The following NKAIN3 variants were observed in gnomAD, a reference collection of about 807,000 sequenced individuals.
NKAIN3 encodes sodium/potassium-transporting ATPase subunit beta-1-interacting protein 3.
A neutral mutation model predicts 30.2 loss-of-function variants in NKAIN3; 25 were observed. The observed-to-expected ratio is 0.83, with a 90% CI of 0.60 to 1.16. The LOEUF is 1.16. NKAIN3 is among the 50% of genes most tolerant of loss of function. The pLI is 0.00. For synonymous variants in NKAIN3, 91 were observed against 89.6 expected, an observed-to-expected ratio of 1.02 and a Z score of -0.09; for missense variants, 225 against 254.1, an observed-to-expected ratio of 0.89 and a Z score of 0.78.
intron 1 of NKAIN3, among the ~76,000 whole-genome samples, chr8:62,478,335 C>T (rs933142714): frequency 2.0e-5 from 3 of 152,172 alleles, no homozygotes; most frequent in Admixed American, 6.5e-5. Flanking sequence ...TATTATGCCA[C>T]TATACAAAGC....
chr8:62,908,079 G>A (rs963500404), intron 4 of NKAIN3, among the ~76,000 whole-genome samples: 5 of 152,188 alleles, frequency 3.3e-5, no homozygotes. Flanking sequence ...AGCTGCTCAA[G>A]ACCATGGGAA....
intron 4 of NKAIN3, among the ~76,000 whole-genome samples, chr8:62,780,762 T>A (rs1817331495): frequency 6.6e-6 from 1 of 151,782 alleles, no homozygotes; most frequent in South Asian, 2.1e-4. Context: ...AACTCTCAAC[T>A]AAAAGTTAGG....
At chr8:62,404,152 T>G (rs1171050544) in intron 1 of NKAIN3, among the ~76,000 whole-genome samples, 1 of 152,270 alleles carries the variant, frequency 6.6e-6, no homozygotes, top group Non-Finnish European at 1.5e-5. Context: ...CCAATGCCTG[T>G]AACCTCATTG....
intron 1 of NKAIN3, among the ~76,000 whole-genome samples, chr8:62,265,981 A>G (rs953381703): frequency 6.6e-6 from 1 of 152,138 alleles, no homozygotes; most frequent in Non-Finnish European, 1.5e-5. Context: ...TGGCCCACAA[A>G]ACTAATTTAA....
chr8:62,345,804 T>C (rs535049751), intron 1 of NKAIN3, among the ~76,000 whole-genome samples: 1 of 151,960 alleles, frequency 6.6e-6, no homozygotes, highest in East Asian at 1.9e-4. Flanking sequence ...TCCATTACTG[T>C]GTTGAAGAAA....
At chr8:62,567,883 T>C (rs1285669239) in intron 1 of NKAIN3, among the ~76,000 whole-genome samples, 1 of 152,156 alleles carries the variant, frequency 6.6e-6, no homozygotes, top group Non-Finnish European at 1.5e-5. Flanking sequence ...GTTTTGGTAA[T>C]TTGCTAGAAC....
At chr8:62,914,269 C>T (rs1822011851) in intron 4 of NKAIN3, among the ~76,000 whole-genome samples, 2 of 152,256 alleles carry the variant, frequency 1.3e-5, no homozygotes, top group South Asian at 4.1e-4. Context: ...CACATGTTCT[C>T]ACTTATAAAT....
At chr8:62,707,490 A>G (rs147180247) in intron 3 of NKAIN3, among the ~76,000 whole-genome samples, 3,381 of 151,950 alleles carry the variant, frequency 0.022, 98 homozygotes, top group African/African-American at 0.071. Context: ...GATGTTGAGC[A>G]TTTTTTCATA....
Position 62,965,404 on chromosome 8 carries a change from T to A in NKAIN3, c.654T>A (p.Thr218=). The change falls in exon 7 of 7, where the codon ACT becomes ACA. Residue 218 remains threonine, a synonymous_variant. Coordinates refer to ENST00000623646, the MANE Select transcript of NKAIN3 (RefSeq NM_001304533.3). The part of the protein sequence containing the change: ...IEPEMRLLNL[T] ...CAGAAATGCGGCTGCTGAACTTGAC[T>A]TAGGGAGCAAAGGACCATTGACTGC... 1 of 985,712 alleles carries A rather than the reference T, an allele frequency of 1.0e-6. No individual in the cohort carries two copies. 61.1% of individuals were successfully genotyped at this position (985,712 alleles called of 1,614,324 possible). A position where few individuals can be genotyped will look rare whatever the true frequency, so the allele number is the denominator to read the frequency against.
chr8:62,929,654 C>G (rs1451402728), intron 5 of NKAIN3, among the ~76,000 whole-genome samples: 3 of 152,098 alleles, frequency 2.0e-5, no homozygotes, highest in Admixed American at 2.0e-4. Context: ...CTATTAATAT[C>G]TACTCAGGGT....
chr8:62,789,050 T>A (rs1250096982), intron 4 of NKAIN3, among the ~76,000 whole-genome samples: 1 of 152,032 alleles, frequency 6.6e-6, no homozygotes, highest in Non-Finnish European at 1.5e-5. Flanking sequence ...TTTAAAGTAG[T>A]TTTTTCCAAT....
Position 62,965,562 on chromosome 8 carries a change from G to A in NKAIN3, c.*155G>A, listed in dbSNP as rs1823687080. ...AGCATTGTTCTCTAGATGAGTTCTAGGTGCTTGGGTGGGTATTTTTTTAGT... is the reference window on the plus strand; with the variant it reads ...AGCATTGTTCTCTAGATGAGTTCTAAGTGCTTGGGTGGGTATTTTTTTAGT... On this transcript the variant is annotated 3_prime_UTR_variant, in exon 7 of 7. Coordinates refer to ENST00000623646, the MANE Select transcript of NKAIN3 (RefSeq NM_001304533.3). The A allele has an allele frequency of 7.1e-6, 7 of 983,952 alleles. No homozygotes were observed. Among genetic ancestry groups the A allele is most frequent in the Non-Finnish European group, 8.4e-6 (7 of 829,550 alleles). 61.0% of individuals were successfully genotyped at this position (983,952 alleles called of 1,614,324 possible).
At chr8:62,525,047 C>G (rs1808260837) in intron 1 of NKAIN3, among the ~76,000 whole-genome samples, 1 of 151,966 alleles carries the variant, frequency 6.6e-6, no homozygotes, top group South Asian at 2.1e-4. Context: ...ATGGAGAGAC[C>G]CTTGAAGGGT....
intron 1 of NKAIN3, among the ~76,000 whole-genome samples, chr8:62,471,304 T>TA (rs541235721): frequency 1.3e-3 from 189 of 144,832 alleles, no homozygotes; most frequent in South Asian, 3.9e-3. Flanking sequence ...TTTACTTCTC[T>TA]AAAAAAAAAA....
downstream of NKAIN3, among the ~76,000 whole-genome samples, chr8:62,988,494 C>G (rs373997414): frequency 6.6e-6 from 1 of 152,238 alleles, no homozygotes; most frequent in Non-Finnish European, 1.5e-5. Context: ...GACTTCTATG[C>G]ACCCACAAGC....
Position 62,970,637 on chromosome 8 carries a change from G to T in NKAIN3, c.*5230G>T, listed in dbSNP as rs887148354. ...GTAGAAAGGAAGGGAGAGGAAAATG[G>T]AGAGAAGATGAGGAAGAGAAAGAGA... is the stretch of plus-strand genomic sequence containing the variant. On this transcript the variant is annotated 3_prime_UTR_variant, in exon 7 of 7. Coordinates refer to ENST00000623646, the MANE Select transcript of NKAIN3 (RefSeq NM_001304533.3). Among the ~76,000 whole-genome samples the T allele has an allele frequency of 2.6e-5, 4 of 152,148 alleles. No homozygotes were observed. The highest frequency in any genetic ancestry group is 9.7e-5 in the African/African-American group (4 of 41,446).
intron 4 of NKAIN3, among the ~76,000 whole-genome samples, chr8:62,755,562 C>T (rs115719588): frequency 0.017 from 2,564 of 151,958 alleles, 69 homozygotes; most frequent in African/African-American, 0.06. Flanking sequence ...TGCTTGCTAG[C>T]GCTTTCCAGG....
chr8:62,461,801 G>C (rs572568626), intron 1 of NKAIN3, among the ~76,000 whole-genome samples: 6 of 152,124 alleles, frequency 3.9e-5, no homozygotes, highest in African/African-American at 1.4e-4. Context: ...GAAGAAAACT[G>C]AGCAGAGCCT....
intron 4 of NKAIN3, among the ~76,000 whole-genome samples, chr8:62,824,312 T>C (rs562989863): frequency 6.6e-6 from 1 of 152,268 alleles, no homozygotes; most frequent in African/African-American, 2.4e-5. Flanking sequence ...GGCATGCCAC[T>C]ACACCTACTA....
Sources: gnomAD v4.1 joint callset for allele counts (sites outside exome capture counted in the v4.1 genomes callset) on GRCh38, gnomAD v4.1.1 for gene constraint, MANE v1.5 for transcripts, NCBI Gene and HGNC (gene_info 2026-07-23, HGNC 2026-07-21) for gene names.